BCL7C: variants seen among roughly 807,000 people sequenced by gnomAD.
BCL7C encodes the protein B-cell CLL/lymphoma 7 protein family member C.
BCL7C carries 8 observed loss-of-function variants against 26.2 expected under a neutral mutation model. That is an observed-to-expected ratio of 0.30 (90% CI 0.18 to 0.55). The LOEUF (loss-of-function observed/expected upper bound fraction) is 0.55, where lower values mean the gene tolerates loss of function less well. Ranked by LOEUF, BCL7C falls within the 20% of genes least tolerant of loss-of-function variation. The probability of loss-of-function intolerance (pLI) is 0.93; values close to 1 mark genes in which losing one functional copy is unlikely to be tolerated. For missense variants in BCL7C, 262 were observed against 298.5 expected, an observed-to-expected ratio of 0.88 and a Z score of 0.90; for synonymous variants, 90 against 116.5, an observed-to-expected ratio of 0.77 and a Z score of 1.47.
downstream of BCL7C, among the ~76,000 whole-genome samples, chr16:30,885,944 C>T (rs992469666): frequency 2.0e-5 from 3 of 152,014 alleles, no homozygotes; most frequent in African/African-American, 4.8e-5. Flanking sequence ...CTCAACTTCC[C>T]GGGCTCAAGC....
At chr16:30,853,413 C>T (rs543469244) in intron 5 of BCL7C, among the ~76,000 whole-genome samples, 20 of 152,282 alleles carry the variant, frequency 1.3e-4, no homozygotes, top group African/African-American at 3.9e-4. Context: ...GGCAATAACA[C>T]GCATGGAGCT....
chr16:30,858,187 T>C lies in BCL7C; in HGVS notation c.529-23039A>G, dbSNP rs535797272. ...TTCCTTTATACACTAGGAGAAACCC[T>C]AGGTCTGGTAGCCAAGATCCTGACT... On this transcript the variant is annotated intron_variant, in intron 5 of 5. Coordinates refer to the BCL7C transcript ENST00000380317. 2.0e-5 allele frequency among the ~76,000 whole-genome samples: 3 copies of C among 152,270 alleles called. No individual in the cohort carries two copies. The South Asian group carries it at 6.2e-4, about 32-fold the overall frequency.
chr16:30,873,925 C>CTA (rs1182207483), intron 5 of BCL7C, among the ~76,000 whole-genome samples: 4 of 43,328 alleles, frequency 9.2e-5, no homozygotes, highest in African/African-American at 3.4e-4. Context: ...CCTCCTCTCT[C>CTA]TATATACATA....
At chr16:30,876,748 C>T (rs745903090) in intron 5 of BCL7C, among the ~76,000 whole-genome samples, 1 of 152,090 alleles carries the variant, frequency 6.6e-6, no homozygotes, top group Non-Finnish European at 1.5e-5. Flanking sequence ...ACAGAGGGAA[C>T]GGGAGTGCTA....
chr16:30,887,585 G>A (rs762901256), downstream of BCL7C, among the ~76,000 whole-genome samples: 13 of 152,050 alleles, frequency 8.5e-5, no homozygotes, highest in Non-Finnish European at 1.5e-4. Context: ...GCCTCCCAGA[G>A]GAGGAGGTGA....
At chr16:30,891,168 C>CA (rs147478982) in intron 4 of BCL7C, among the ~76,000 whole-genome samples, 9,576 of 84,466 alleles carry the variant, frequency 0.11, 1,343 homozygotes, top group African/African-American at 0.35. Context: ...GACTTCATCT[C>CA]AAAAAAAAAA....
intron 5 of BCL7C, among the ~76,000 whole-genome samples, chr16:30,854,212 A>G (rs912515280): frequency 1.1e-4 from 17 of 152,214 alleles, no homozygotes; most frequent in African/African-American, 3.9e-4. Context: ...ATTGGGATGA[A>G]TATCACCAGT....
At chr16:30,845,279 C>A (rs145159515) in intron 5 of BCL7C, among the ~76,000 whole-genome samples, 61 of 152,306 alleles carry the variant, frequency 4.0e-4, no homozygotes, top group African/African-American at 1.5e-3. Context: ...TCTCACCAAG[C>A]GCACTTTATC....
At position 30,893,344 on chromosome 16, in the gene BCL7C, C is replaced by T. The variant is rs2143196167; in HGVS notation, c.93-54G>A. The stretch of plus-strand genomic sequence containing the variant: ...GAGGCCTGAGGGGAGACCCACCCCC[C>T]TAGGAGCTGGACACATCTGGGGGTA... On this transcript the variant is annotated intron_variant, in intron 1 of 5. Transcript: ENST00000215115. The surrounding 1 kb of genome is among the most constrained non-coding windows in gnomAD (Gnocchi z 5.2). 2 of 1,486,012 alleles carry T rather than the reference C, an allele frequency of 1.3e-6. No individual in the cohort carries two copies. Among genetic ancestry groups the T allele is most frequent in the African/African-American group, 1.4e-5 (1 of 72,142 alleles). The allele number at this position is 1,486,012 out of a possible 1,614,324, so 92.1% of individuals were successfully genotyped here. A position where few individuals can be genotyped will look rare whatever the true frequency, so the allele number is the denominator to read the frequency against.
rs1343317716 is a variant in BCL7C at position 30,893,314 on chromosome 16, TC to T, written c.93-25del. ...CCCTGTGGGAGGGTGGGGGGCTGGG[TC>T]AGAGAGGCCTGAGGGGAGACCCACC... is the stretch of plus-strand genomic sequence containing the variant. On this transcript the variant is annotated intron_variant, in intron 1 of 5. Coordinates refer to ENST00000215115, the MANE Select transcript of BCL7C (RefSeq NM_004765.4). The surrounding 1 kb of genome is among the most constrained non-coding windows in gnomAD (Gnocchi z 5.2). 38 of 1,606,338 alleles carry T rather than the reference TC, an allele frequency of 2.4e-5. No homozygotes were observed. The highest frequency in any genetic ancestry group is 3.2e-5 in the Non-Finnish European group (38 of 1,174,896).
chr16:30,864,755 A>G (rs2054809270), intron 5 of BCL7C, among the ~76,000 whole-genome samples: 1 of 152,178 alleles, frequency 6.6e-6, no homozygotes, highest in South Asian at 2.1e-4. Context: ...AAGATCCACA[A>G]GTGAAAATAG....
At chr16:30,883,536 CTTTTTTTTTTT>C (rs71149065), downstream of BCL7C, among the ~76,000 whole-genome samples, 2 of 45,438 alleles carry the variant, frequency 4.4e-5, no homozygotes, top group Non-Finnish European at 7.5e-5. Flanking sequence ...GCCAAACTGG[CTTTTTTTTTTT>C]TTTTTTTTTT....
chr16:30,881,426 A>ACACACACACACACACAC (rs1567320786), intron 5 of BCL7C, among the ~76,000 whole-genome samples: 1 of 144,906 alleles, frequency 6.9e-6, no homozygotes, highest in Non-Finnish European at 1.5e-5. Context: ...ACACACACAC[A>ACACACACACACACACAC]ACAAAAAATT....
chr16:30,866,408 C>T (rs1048041800), intron 5 of BCL7C, among the ~76,000 whole-genome samples: 3 of 151,920 alleles, frequency 2.0e-5, no homozygotes, highest in Admixed American at 2.0e-4. Flanking sequence ...GAAACGCTGT[C>T]TCTACTAAAA....
chr16:30,892,887 C>T lies in BCL7C; in HGVS notation c.233G>A (p.Gly78Asp). ...AGGGCCACCCCCTCGGGGACTGGCG[C>T]CCCTGCCCCGACGTTCCCGGCCACG... is the stretch of plus-strand genomic sequence containing the variant. ...RSRGRERRGRGASPRGGGPLI... is the reference protein window; with the variant it reads ...RSRGRERRGRDASPRGGGPLI... The change falls in exon 3 of 6, where the codon GGC (glycine) becomes GAC (aspartate). Residue 78 changes from glycine to aspartate, a missense_variant. Transcript: ENST00000215115. 3 of 1,612,952 alleles carry T rather than the reference C, an allele frequency of 1.9e-6. No homozygotes were observed. In the South Asian group the frequency reaches 3.3e-5, roughly 18 times the overall value.
chr16:30,844,294 G>A (rs1415709934), intron 5 of BCL7C, among the ~76,000 whole-genome samples: 2 of 135,678 alleles, frequency 1.5e-5, no homozygotes, highest in Non-Finnish European at 3.0e-5. Flanking sequence ...GGGTTGCAGT[G>A]AGCCCAGATG....
At chr16:30,860,578 C>T (rs1482684491) in intron 5 of BCL7C, among the ~76,000 whole-genome samples, 1 of 152,156 alleles carries the variant, frequency 6.6e-6, no homozygotes, top group African/African-American at 2.4e-5. Flanking sequence ...AATACAAACT[C>T]GACAATGGTT....
intron 5 of BCL7C, among the ~76,000 whole-genome samples, chr16:30,879,700 A>AACAAAAAAAAAAAC (rs1555482421): frequency 2.2e-5 from 3 of 135,004 alleles, no homozygotes; most frequent in Non-Finnish European, 5.0e-5. Flanking sequence ...AAAAAAAAAA[A>AACAAAAAAAAAAAC]AAAAAAAAAC....
chr16:30,893,980 G>C lies in BCL7C; in HGVS notation c.-36C>G. On this transcript the variant is annotated 5_prime_UTR_variant, in exon 1 of 6. Coordinates refer to ENST00000215115, the MANE Select transcript of BCL7C (RefSeq NM_004765.4). This position sits in a 1 kb window ranked among gnomAD's most constrained non-coding sequence, Gnocchi z 5.2. ...CTGGGGCCGGGGCCGAGCCCGCGGC[G>C]GGGCCGCCTCCCGTCCGGCGGGCTC... is the stretch of plus-strand genomic sequence containing the variant. 1 of 1,169,562 alleles carries C rather than the reference G, an allele frequency of 8.6e-7. No individual in the cohort carries two copies. Among genetic ancestry groups the C allele is most frequent in the Middle Eastern group, 3.4e-4 (1 of 2,916 alleles). The allele number at this position is 1,169,562 out of a possible 1,614,324, so 72.4% of individuals were successfully genotyped here. A position where few individuals can be genotyped will look rare whatever the true frequency, so the allele number is the denominator to read the frequency against.
Sources: allele counts gnomAD v4.1 joint callset (sites outside exome capture counted in the v4.1 genomes callset), GRCh38; gene constraint gnomAD v4.1.1; non-coding constraint Gnocchi (gnomAD v3.1); transcripts MANE v1.5; gene names NCBI Gene and HGNC (gene_info 2026-07-23, HGNC 2026-07-21).